The following ZBED3 variants were observed in gnomAD, a reference collection of about 807,000 sequenced individuals.
The protein encoded by ZBED3 is zinc finger BED-type containing 3.
For missense variants in ZBED3, 388 were observed against 362.9 expected, an observed-to-expected ratio of 1.07 and a Z score of -0.56; for synonymous variants, 175 against 180.0, an observed-to-expected ratio of 0.97 and a Z score of 0.22.
Position 77,077,278 on chromosome 5 carries a change from G to A in ZBED3, c.601C>T (p.Arg201Cys). The A allele has an allele frequency of 7.1e-7, 1 of 1,411,600 alleles. No homozygotes were observed. The highest frequency in any genetic ancestry group is 9.2e-7 in the Non-Finnish European group (1 of 1,084,342). The allele number at this position is 1,411,600 out of a possible 1,614,324, so 87.4% of individuals were successfully genotyped here. The part of the protein sequence containing the change: ...ALQARLRDVS[R>C]REGALGWAPA... ...GCCCAGCCCAGGGCGCCCTCACGGC[G>A]GCTCACATCCCGCAGCCGCGCCTGC... is the stretch of plus-strand genomic sequence containing the variant. The change falls in exon 3 of 3, where the codon CGC (arginine) becomes TGC (cysteine). Residue 201 changes from arginine (R) to cysteine (C), a missense_variant. Transcript: ENST00000255198.
At chr5:77,078,028 TAA>T in intron 2 of ZBED3, 133 bp from the exon 3 acceptor site, 1 of 604,294 alleles carries the variant, frequency 1.7e-6, no homozygotes, top group Non-Finnish European at 2.4e-6. Context: ...GTAGATAGTC[TAA>T]GTTTCTTTCT....
intron 1 of ZBED3, among the ~76,000 whole-genome samples, chr5:77,083,308 T>C (rs941733369): frequency 5.9e-5 from 9 of 152,170 alleles, no homozygotes; most frequent in Admixed American, 2.6e-4. Context: ...AGGCTGCTCA[T>C]TGTCACGTGG....
rs1273738549 is a variant in ZBED3, at chr5:77,077,852, G to C, written c.27C>G (p.Thr9=). The change falls in exon 3 of 3, where the codon ACC becomes ACG. Residue 9 remains threonine, a synonymous_variant. Transcript: ENST00000255198. ...CGTCCAGCCCGCGGGCCTGGTCCAT[G>C]GTGCAGGCCGGCTCGCCACTCCTCA... The part of the protein sequence containing the change: MRSGEPAC[T]MDQARGLDDA... 7.9e-7 allele frequency: 1 copy of C among 1,266,106 alleles called. No homozygotes were observed. The highest frequency in any genetic ancestry group is 9.9e-7 in the Non-Finnish European group (1 of 1,008,908). The allele number at this position is 1,266,106 out of a possible 1,614,324, so 78.4% of individuals were successfully genotyped here. A position where few individuals can be genotyped will look rare whatever the true frequency, so the allele number is the denominator to read the frequency against.
At position 77,077,593 on chromosome 5, in the gene ZBED3, C is replaced by T; in HGVS notation, c.286G>A (p.Ala96Thr). 3 of 1,351,322 alleles carry T rather than the reference C, an allele frequency of 2.2e-6. No homozygotes were observed. Among genetic ancestry groups the T allele is most frequent in the South Asian group, 3.6e-5 (2 of 55,176 alleles). The allele number at this position is 1,351,322 out of a possible 1,614,324, so 83.7% of individuals were successfully genotyped here. A position where few individuals can be genotyped will look rare whatever the true frequency, so the allele number is the denominator to read the frequency against. ...CTGCTCTCCAGCTCCCGCCGGTGCG[C>T]GCTCCTCAGGTGCCTCCACAACGCC... is the stretch of plus-strand genomic sequence containing the variant. The part of the protein sequence containing the change: ...TSALWRHLRS[A>T]HRRELESSGA... Residue 96 changes from alanine to threonine, a missense_variant, in exon 3 of 3, where the codon GCG (alanine) becomes ACG (threonine). Transcript: ENST00000255198.
rs1214188404 is a variant in ZBED3, at chr5:77,087,143, G to C, written c.-185C>G. ...CCCGGGAAACGCGGCCGGAGCCGGC[G>C]GCGGGTCGGGAGTCCGAGATGGTAG... On this transcript the variant is annotated 5_prime_UTR_variant, in exon 1 of 3. Coordinates refer to ENST00000255198, the MANE Select transcript of ZBED3 (RefSeq NM_032367.4). 1 of 152,376 alleles carries C rather than the reference G, an allele frequency of 6.6e-6. No homozygotes were observed. Among genetic ancestry groups the C allele is most frequent in the Non-Finnish European group, 1.5e-5 (1 of 68,176 alleles). 9.4% of individuals were successfully genotyped at this position (152,376 alleles called of 1,614,324 possible).
At chr5:77,083,268 C>T (rs778000058) in intron 1 of ZBED3, among the ~76,000 whole-genome samples, 4 of 152,224 alleles carry the variant, frequency 2.6e-5, no homozygotes, top group Non-Finnish European at 2.9e-5. Flanking sequence ...CCCACTGCTG[C>T]GCCGCTTGGA....
rs543481899 is a variant in ZBED3, at chr5:77,077,768, A to AGGCGTC, written c.105_110dup (p.Thr36_Pro37dup). The AGGCGTC allele has an allele frequency of 1.7e-3, 2,290 of 1,315,460 alleles. 22 individuals carry two copies. The African/African-American group carries it at 0.027, about 15-fold the overall frequency. 81.5% of individuals were successfully genotyped at this position (1,315,460 alleles called of 1,614,324 possible). A position where few individuals can be genotyped will look rare whatever the true frequency, so the allele number is the denominator to read the frequency against. Reference sequence around the variant, plus strand: ...AGTATGGCGCCCCCAGGCGGCCGGGAGGCGTCGGCGTCGGCGCCGGCCCCA... The same window carrying AGGCGTC: ...AGTATGGCGCCCCCAGGCGGCCGGGAGGCGTCGGCGTCGGCGTCGGCGCCGGCCCCA... On this transcript the variant is annotated inframe_insertion, in exon 3 of 3. Coordinates refer to ENST00000255198, the MANE Select transcript of ZBED3 (RefSeq NM_032367.4).
At position 77,077,576 on chromosome 5, in the gene ZBED3, CA is replaced by C; in HGVS notation, c.302del (p.Leu101ArgfsTer99). On this transcript the variant is annotated frameshift_variant, in exon 3 of 3. Transcript: ENST00000255198. LOFTEE classifies it low-confidence loss of function (END_TRUNC). ...GGGAGCTCCCGGCGCCGCTGCTCTC[CA>C]GCTCCCGCCGGTGCGCGCTCCTCAG... ...RHLRSAHRRE[L>X]ESSGAGSSPP... 1 of 1,319,830 alleles carries C rather than the reference CA, an allele frequency of 7.6e-7. No individual in the cohort carries two copies. The highest frequency in any genetic ancestry group is 9.7e-7 in the Non-Finnish European group (1 of 1,034,782). 81.8% of individuals were successfully genotyped at this position (1,319,830 alleles called of 1,614,324 possible). A position where few individuals can be genotyped will look rare whatever the true frequency, so the allele number is the denominator to read the frequency against.
In ZBED3 at chr5:77,076,219, G is replaced by A. The variant is rs1257034552; in HGVS notation, c.*955C>T. ...GCACATTGCTGAGGAAGAAGAGCCT[G>A]GGGGAAAGGGAGGGACTGAGACAGC... On this transcript the variant is annotated 3_prime_UTR_variant, in exon 3 of 3. Coordinates refer to ENST00000255198, the MANE Select transcript of ZBED3 (RefSeq NM_032367.4). 2.0e-5 allele frequency: 3 copies of A among 150,978 alleles called. No homozygotes were observed. The highest frequency in any genetic ancestry group is 2.9e-5 in the Non-Finnish European group (2 of 67,840). The allele number at this position is 150,978 out of a possible 1,614,324, so 9.4% of individuals were successfully genotyped here. A position where few individuals can be genotyped will look rare whatever the true frequency, so the allele number is the denominator to read the frequency against.
chr5:77,072,362 T>C lies in ZBED3; in HGVS notation c.*4812A>G, dbSNP rs1218521288. ...TCACCTTATTAACCAGAAATGTTAA[T>C]CTGGTTAATCATCTACCATATTCAC... On this transcript the variant is annotated 3_prime_UTR_variant, in exon 3 of 3. Transcript: ENST00000255198. 1.3e-5 allele frequency: 2 copies of C among 152,224 alleles called. No individual in the cohort carries two copies. Among genetic ancestry groups the C allele is most frequent in the African/African-American group, 4.8e-5 (2 of 41,454 alleles). 9.4% of individuals were successfully genotyped at this position (152,224 alleles called of 1,614,324 possible).
rs925378155 is a variant in ZBED3, at chr5:77,076,395, C to A, written c.*779G>T. On this transcript the variant is annotated 3_prime_UTR_variant, in exon 3 of 3. Transcript: ENST00000255198. ...TGACGACATGTGGGGAAGAAGCCCTCTTCCTAGTGACAAGGGGATGAGGTG... is the reference window on the plus strand; with the variant it reads ...TGACGACATGTGGGGAAGAAGCCCTATTCCTAGTGACAAGGGGATGAGGTG... 6 of 152,206 alleles carry A rather than the reference C, an allele frequency of 3.9e-5. No homozygotes were observed. Among genetic ancestry groups the A allele is most frequent in the Admixed American group, 1.3e-4 (2 of 15,268 alleles). 9.4% of individuals were successfully genotyped at this position (152,206 alleles called of 1,614,324 possible). A position where few individuals can be genotyped will look rare whatever the true frequency, so the allele number is the denominator to read the frequency against.
At chr5:77,081,693 AAAGT>A (rs1198981661) in intron 1 of ZBED3, among the ~76,000 whole-genome samples, 1 of 152,178 alleles carries the variant, frequency 6.6e-6, no homozygotes, top group Non-Finnish European at 1.5e-5. Flanking sequence ...AAGAAAATGA[AAAGT>A]AAGAGATCCC....
In ZBED3 at chr5:77,074,315, T is replaced by C. The variant is rs1382777318; in HGVS notation, c.*2859A>G. ...GACAATCCCTTTGGCTTTGGCGAAA[T>C]TGTGACTCAGGTAAGGGACAGTTGG... is the stretch of plus-strand genomic sequence containing the variant. On this transcript the variant is annotated 3_prime_UTR_variant, in exon 3 of 3. Coordinates refer to ENST00000255198, the MANE Select transcript of ZBED3 (RefSeq NM_032367.4). 2.6e-5 allele frequency: 4 copies of C among 152,116 alleles called. No homozygotes were observed. Among genetic ancestry groups the C allele is most frequent in the Admixed American group, 2.0e-4 (3 of 15,268 alleles). The allele number at this position is 152,116 out of a possible 1,614,324, so 9.4% of individuals were successfully genotyped here.
chr5:77,080,713 C>T (rs933569679), intron 1 of ZBED3: 1 of 435,038 alleles, frequency 2.3e-6, no homozygotes. Context: ...ACCGCATGTT[C>T]TCATTCATAG....
At position 77,074,713 on chromosome 5, in the gene ZBED3, G is replaced by A. The variant is rs1005555734; in HGVS notation, c.*2461C>T. 1 of 152,176 alleles carries A rather than the reference G, an allele frequency of 6.6e-6. No individual in the cohort carries two copies. Among genetic ancestry groups the A allele is most frequent in the African/African-American group, 2.4e-5 (1 of 41,406 alleles). The allele number at this position is 152,176 out of a possible 1,614,324, so 9.4% of individuals were successfully genotyped here. On this transcript the variant is annotated 3_prime_UTR_variant, in exon 3 of 3. Transcript: ENST00000255198. ...TTAGGAAGGAAACAGGTGTCAGCTG[G>A]GTCGACTGAAGGAAGCAGAGATCTC...
rs1742909410 is a variant in ZBED3 at position 77,072,782 on chromosome 5, GCT to G, written c.*4390_*4391del. 1.3e-5 allele frequency: 2 copies of G among 152,324 alleles called. No individual in the cohort carries two copies. Among genetic ancestry groups the G allele is most frequent in the South Asian group, 4.1e-4 (2 of 4,828 alleles). 9.4% of individuals were successfully genotyped at this position (152,324 alleles called of 1,614,324 possible). On this transcript the variant is annotated 3_prime_UTR_variant, in exon 3 of 3. Transcript: ENST00000255198. ...TCTCAGGAATCCTCCCAGGGAACCTGCTCTTGTGGGTTCCTTGGGAATGATTT... is the reference window on the plus strand; with the variant it reads ...TCTCAGGAATCCTCCCAGGGAACCTGCTTGTGGGTTCCTTGGGAATGATTT...
chr5:77,075,969 A>ATATATATACACATG lies in ZBED3; in HGVS notation c.*1204_*1205insCATGTGTATATATA, dbSNP rs1380894446. On this transcript the variant is annotated 3_prime_UTR_variant, in exon 3 of 3. Transcript: ENST00000255198. ...CATATATATATATATATATATATGT[A>ATATATATACACATG]TATGTATATATGTATATATATATGT... 1 of 20,164 alleles carries ATATATATACACATG rather than the reference A, an allele frequency of 5.0e-5. No homozygotes were observed. Among genetic ancestry groups the ATATATATACACATG allele is most frequent in the Non-Finnish European group, 9.9e-5 (1 of 10,138 alleles). 1.2% of individuals were successfully genotyped at this position (20,164 alleles called of 1,614,324 possible).
rs1743072343 is a variant in ZBED3 at position 77,078,581 on chromosome 5, T to C, written c.-18+13A>G. The C allele has an allele frequency of 6.6e-6, 1 of 152,250 alleles. No individual in the cohort carries two copies. Among genetic ancestry groups the C allele is most frequent in the South Asian group, 2.1e-4 (1 of 4,828 alleles). The allele number at this position is 152,250 out of a possible 1,614,324, so 9.4% of individuals were successfully genotyped here. A position where few individuals can be genotyped will look rare whatever the true frequency, so the allele number is the denominator to read the frequency against. ...GAAATAGCAATATCCAAAGCAGCAT[T>C]CTAAATTTTTACCTTTAAATTAGAC... On this transcript the variant is annotated intron_variant, in intron 2 of 2. Transcript: ENST00000255198.
At chr5:77,079,755 T>C (rs1315260721) in intron 1 of ZBED3, among the ~76,000 whole-genome samples, 1 of 152,212 alleles carries the variant, frequency 6.6e-6, no homozygotes, top group Admixed American at 6.5e-5. Flanking sequence ...CCAAGAGATG[T>C]ATTACATTGC....
Sources: allele counts gnomAD v4.1 joint callset (sites outside exome capture counted in the v4.1 genomes callset), GRCh38; gene constraint gnomAD v4.1.1; transcripts MANE v1.5; gene names NCBI Gene and HGNC (gene_info 2026-07-23, HGNC 2026-07-21).